The following ADPRHL1 variants were observed in gnomAD, a reference collection of about 807,000 sequenced individuals.
ADPRHL1 encodes ADP-ribosylhydrolase like 1.
Under a neutral mutation model 44.1 loss-of-function variants are expected in ADPRHL1, and 43 were observed. The observed-to-expected ratio is 0.98, with a 90% confidence interval of 0.76 to 1.26. ADPRHL1 has a LOEUF of 1.26. ADPRHL1 is among the 50% of genes most tolerant of loss of function. The pLI is 0.00. For missense variants in ADPRHL1, 2,022 were observed against 2,496.9 expected, an observed-to-expected ratio of 0.81 and a Z score of 4.05; for synonymous variants, 878 against 1,017.4, an observed-to-expected ratio of 0.86 and a Z score of 2.61.
chr13:113,416,016 G>A (rs377100387), intron 7 of ADPRHL1, among the ~76,000 whole-genome samples: 3 of 151,886 alleles, frequency 2.0e-5, no homozygotes, highest in African/African-American at 7.3e-5. Context: ...CTGGGATCCC[G>A]TGGGGTGGCC....
Position 113,433,630 on chromosome 13 carries a change from G to A in ADPRHL1, c.505+112C>T, listed in dbSNP as rs1044493395. 23 of 1,475,636 alleles carry A rather than the reference G, an allele frequency of 1.6e-5. No homozygotes were observed. The African/African-American group carries it at 2.9e-4, about 19-fold the overall frequency. The allele number at this position is 1,475,636 out of a possible 1,614,324, so 91.4% of individuals were successfully genotyped here. On this transcript the variant is annotated intron_variant, in intron 3 of 7. Transcript: ENST00000612156. The stretch of plus-strand genomic sequence containing the variant: ...GTCTCCTTTAAGCAGACGTGCAGAT[G>A]GCGGCAGCTCCAGGCCCCCGCCCCC...
chr13:113,411,451 A>T (rs932919852), intron 7 of ADPRHL1, among the ~76,000 whole-genome samples: 4 of 152,136 alleles, frequency 2.6e-5, no homozygotes, highest in African/African-American at 9.7e-5. Context: ...AATCCAGTTT[A>T]GCTCTTCCAC....
Position 113,399,773 on chromosome 13 carries a change from A to G in ADPRHL1, c.*3605T>C, listed in dbSNP as rs2043742506. The G allele has an allele frequency of 6.6e-6, 1 of 152,082 alleles. No individual in the cohort carries two copies. The highest frequency in any genetic ancestry group is 2.4e-5 in the African/African-American group (1 of 41,424). 9.4% of individuals were successfully genotyped at this position (152,082 alleles called of 1,614,324 possible). A position where few individuals can be genotyped will look rare whatever the true frequency, so the allele number is the denominator to read the frequency against. ...AAGAATATGAACAAGAACAAATTTAATAAATAGCTGTAGCCTAATACACAA... is the reference window on the plus strand; with the variant it reads ...AAGAATATGAACAAGAACAAATTTAGTAAATAGCTGTAGCCTAATACACAA... On this transcript the variant is annotated 3_prime_UTR_variant, in exon 8 of 8. Coordinates refer to ENST00000612156, the MANE Select transcript of ADPRHL1 (RefSeq NM_001394807.1).
intron 7 of ADPRHL1, among the ~76,000 whole-genome samples, chr13:113,416,494 G>A (rs1428187962): frequency 1.3e-5 from 2 of 152,108 alleles, no homozygotes; most frequent in Non-Finnish European, 2.9e-5. Context: ...CCTGAGACAT[G>A]AGTAAGTCAG....
At chr13:113,422,571 AG>A (rs1271478426) in intron 7 of ADPRHL1, 28 of 519,176 alleles carry the variant, frequency 5.4e-5, no homozygotes, top group Non-Finnish European at 8.9e-5. Context: ...CCACGCATGG[AG>A]GTCCAAGTGC....
chr13:113,415,306 C>G (rs576528074), intron 7 of ADPRHL1, among the ~76,000 whole-genome samples: 7 of 152,146 alleles, frequency 4.6e-5, no homozygotes, highest in Admixed American at 2.0e-4. Context: ...AGAGTGTGGA[C>G]CTGGAAAGGG....
chr13:113,408,605 T>C (rs368984597), intron 7 of ADPRHL1, among the ~76,000 whole-genome samples: 8 of 152,364 alleles, frequency 5.3e-5, no homozygotes, highest in African/African-American at 1.9e-4. Flanking sequence ...AAAGCACATA[T>C]AAAGAAGTGT....
At position 113,425,187 on chromosome 13, in the gene ADPRHL1, TA is replaced by T; in HGVS notation, c.647-9del. 6 of 1,335,698 alleles carry T rather than the reference TA, an allele frequency of 4.5e-6. No individual in the cohort carries two copies. Among genetic ancestry groups the T allele is most frequent in the Non-Finnish European group, 5.9e-6 (6 of 1,017,432 alleles). The allele number at this position is 1,335,698 out of a possible 1,614,324, so 82.7% of individuals were successfully genotyped here. A position where few individuals can be genotyped will look rare whatever the true frequency, so the allele number is the denominator to read the frequency against. The stretch of plus-strand genomic sequence containing the variant: ...ACCAGTGCTCCTGGTATTCTAAACA[TA>T]AAGAACAAGGGGAGCTGAACACAAT... On this transcript the variant is annotated splice_polypyrimidine_tract_variant and intron_variant, in intron 4 of 7. Transcript: ENST00000612156.
At position 113,434,294 on chromosome 13, in the gene ADPRHL1, G is replaced by A. The variant is rs113513155; in HGVS notation, c.380-427C>T. The stretch of plus-strand genomic sequence containing the variant: ...CGCAGGGTGAACATAGGTGTACCCC[G>A]GGACCCAGCATCCACACGTAGAGTG... On this transcript the variant is annotated intron_variant, in intron 2 of 7. Coordinates refer to ENST00000612156, the MANE Select transcript of ADPRHL1 (RefSeq NM_001394807.1). Among the ~76,000 whole-genome samples the A allele has an allele frequency of 9.0e-3, 1,360 of 151,934 alleles. 13 individuals are homozygous for A. Among genetic ancestry groups the A allele is most frequent in the African/African-American group, 0.03 (1,260 of 41,366 alleles).
rs1270241700 is a variant in ADPRHL1, at chr13:113,441,708, G to A, written c.379+2717C>T. Among the ~76,000 whole-genome samples the A allele has an allele frequency of 1.3e-5, 2 of 152,108 alleles. No homozygotes were observed. The highest frequency in any genetic ancestry group is 4.8e-5 in the African/African-American group (2 of 41,430). On this transcript the variant is annotated intron_variant, in intron 2 of 7. Transcript: ENST00000612156. This position sits in a 1 kb window ranked among gnomAD's most constrained non-coding sequence, Gnocchi z 6.0. ...TCTGTAACACTCTATCCCGCTGCGT[G>A]GGTCCATGTCTCTATCATGCCATGT...
At chr13:113,424,156 G>T in intron 6 of ADPRHL1, 61 bp downstream of exon 6, 2 of 1,599,486 alleles carry the variant, frequency 1.3e-6, no homozygotes, top group Non-Finnish European at 1.7e-6. Context: ...CACTCCGAGG[G>T]GGTGCTTCAG....
At chr13:113,442,317 T>C (rs1455738151) in intron 2 of ADPRHL1, among the ~76,000 whole-genome samples, 1 of 152,174 alleles carries the variant, frequency 6.6e-6, no homozygotes, top group Non-Finnish European at 1.5e-5. Flanking sequence ...CAGGCAAGCG[T>C]GTTGGCACGC....
Position 113,400,928 on chromosome 13 carries a change from T to C in ADPRHL1, c.*2450A>G, listed in dbSNP as rs2139584795. On this transcript the variant is annotated 3_prime_UTR_variant, in exon 8 of 8. Transcript: ENST00000612156. ...TTTCCACCACTTAAAATAAAACCAC[T>C]CAATGCCTTCTCCAGTGTACTCTCT... 6.6e-6 allele frequency: 1 copy of C among 152,290 alleles called. No homozygotes were observed. Among genetic ancestry groups the C allele is most frequent in the East Asian group, 1.9e-4 (1 of 5,188 alleles). 9.4% of individuals were successfully genotyped at this position (152,290 alleles called of 1,614,324 possible).
Position 113,441,849 on chromosome 13 carries a change from C to T in ADPRHL1, c.379+2576G>A, listed in dbSNP as rs567907808. ...GTCTCTGTCACGTTGTGTCCCGCCG[C>T]GTGGGTCCGTGTCACTATCACACTC... On this transcript the variant is annotated intron_variant, in intron 2 of 7. Transcript: ENST00000612156. The surrounding 1 kb of genome is among the most constrained non-coding windows in gnomAD (Gnocchi z 6.0). Among the ~76,000 whole-genome samples the T allele has an allele frequency of 3.3e-5, 5 of 152,164 alleles. No individual in the cohort carries two copies. Among genetic ancestry groups the T allele is most frequent in the South Asian group, 4.1e-4 (2 of 4,830 alleles).
chr13:113,426,664 C>G (rs1249515524), intron 4 of ADPRHL1, among the ~76,000 whole-genome samples: 2 of 152,218 alleles, frequency 1.3e-5, no homozygotes, highest in Non-Finnish European at 2.9e-5. Flanking sequence ...GGGTCTTGTT[C>G]AGCGACATGA....
intron 3 of ADPRHL1, among the ~76,000 whole-genome samples, chr13:113,433,057 A>G (rs2044018453): frequency 2.0e-5 from 3 of 152,208 alleles, no homozygotes; most frequent in Admixed American, 1.3e-4. Flanking sequence ...CAGCTGGCAC[A>G]GACCACAAGG....
Position 113,407,253 on chromosome 13 carries a change from C to T in ADPRHL1, c.2029G>A (p.Glu677Lys). 8.1e-7 allele frequency: 1 copy of T among 1,232,130 alleles called. No individual in the cohort carries two copies. The highest frequency in any genetic ancestry group is 1.0e-6 in the Non-Finnish European group (1 of 988,090). The allele number at this position is 1,232,130 out of a possible 1,614,324, so 76.3% of individuals were successfully genotyped here. Residue 677 changes from glutamate to lysine, a missense_variant, in exon 8 of 8, where the codon GAG (glutamate) becomes AAG (lysine). Around this residue, in one of 8 missense-constraint regions of ADPRHL1, gnomAD observed 1,221 missense variants for 1,517.8 expected, o/e 0.80. Transcript: ENST00000612156. The part of the protein sequence containing the change: ...NKAVGKGPLE[E>K]EPQRQPRPSK... ...GGCCTTGGCTGTCTTTGGGGCTCCT[C>T]CTCCAGGGGCCCCTTTCCCACTGCT... is the stretch of plus-strand genomic sequence containing the variant.
At position 113,404,140 on chromosome 13, in the gene ADPRHL1, TTCCCGAGCCCGC is replaced by T. The variant is rs2043787473; in HGVS notation, c.5130_5141del (p.Arg1711_Glu1714del). The stretch of plus-strand genomic sequence containing the variant: ...GTTCCTGAGCCCCTTTCTGGGCCTG[TTCCCGAGCCCGC>T]TCCTGAGCCCCTTTCTGGGCCTGTT... On this transcript the variant is annotated inframe_deletion, in exon 8 of 8. Transcript: ENST00000612156. The T allele has an allele frequency of 1.2e-6, 1 of 819,576 alleles. No individual in the cohort carries two copies. Among genetic ancestry groups the T allele is most frequent in the Non-Finnish European group, 1.5e-6 (1 of 650,806 alleles). 50.8% of individuals were successfully genotyped at this position (819,576 alleles called of 1,614,324 possible).
At chr13:113,428,741 G>A (rs991273336) in intron 4 of ADPRHL1, among the ~76,000 whole-genome samples, 1 of 152,266 alleles carries the variant, frequency 6.6e-6, no homozygotes, top group African/African-American at 2.4e-5. Flanking sequence ...CGGGTGGGGA[G>A]GCAAAGCCTC....
Sources: gnomAD v4.1 joint callset for allele counts (sites outside exome capture counted in the v4.1 genomes callset) on GRCh38, gnomAD v4.1.1 for gene constraint, gnomAD v4.1.1 regional missense constraint, Gnocchi (gnomAD v3.1) non-coding constraint, MANE v1.5 for transcripts, NCBI Gene and HGNC (gene_info 2026-07-23, HGNC 2026-07-21) for gene names.